The following ZNF480 variants were observed in gnomAD, a reference collection of about 807,000 sequenced individuals.
The protein encoded by ZNF480 is zinc finger protein 480.
Under a neutral mutation model 14.4 loss-of-function variants are expected in ZNF480, and 15 were observed. The ratio of observed to expected loss-of-function variants is 1.04; its 90% confidence interval spans 0.70 to 1.60. The LOEUF (loss-of-function observed/expected upper bound fraction) is 1.60. Ranked by LOEUF, ZNF480 falls within the 40% of genes most tolerant of loss-of-function variation. The probability of loss-of-function intolerance (pLI) is 0.00; values close to 1 mark genes in which losing one functional copy is unlikely to be tolerated. For synonymous variants in ZNF480, 218 were observed against 215.5 expected, an observed-to-expected ratio of 1.01 and a Z score of -0.10; for missense variants, 593 against 629.7, an observed-to-expected ratio of 0.94 and a Z score of 0.62.
Position 52,300,391 on chromosome 19 carries a change from T to A in ZNF480, c.-19-3T>A, listed in dbSNP as rs769548529. 6.2e-7 allele frequency: 1 copy of A among 1,605,844 alleles called. No individual in the cohort carries two copies. Among genetic ancestry groups the A allele is most frequent in the Admixed American group, 1.7e-5 (1 of 58,686 alleles). ...CCCTAAACAGCATATTTTTGACATT[T>A]AGGATTGACTTCTAAAGAGTCATGC... On this transcript the variant is annotated splice_polypyrimidine_tract_variant and splice_region_variant and intron_variant, in intron 1 of 4. Coordinates refer to ENST00000595962, the MANE Select transcript of ZNF480 (RefSeq NM_144684.4).
rs770314204 is a variant in ZNF480, at chr19:52,322,360, T to C, written c.1110T>C (p.Pro370=). 6.2e-7 allele frequency: 1 copy of C among 1,613,882 alleles called. No homozygotes were observed. The highest frequency in any genetic ancestry group is 1.1e-5 in the South Asian group (1 of 91,076). The change falls in exon 5 of 5, where the codon CCT becomes CCC. Residue 370 remains proline, a synonymous_variant. Transcript: ENST00000595962. ...RHQKIHTGEK[P]YKCNECGKVF... ...AGAAAATTCATACTGGAGAGAAACC[T>C]TACAAATGTAATGAATGTGGAAAGG... is the stretch of plus-strand genomic sequence containing the variant.
At chr19:52,300,285 A>C (rs2122511028) in intron 1 of ZNF480, 109 bp from the exon 2 acceptor site, 1 of 1,159,428 alleles carries the variant, frequency 8.6e-7, no homozygotes, top group East Asian at 2.5e-5. Flanking sequence ...TGCAGTGGGC[A>C]GCAGAGGACA....
chr19:52,306,919 ACT>A lies in ZNF480; in HGVS notation c.72+6438_72+6439del, dbSNP rs1374595690. 3.9e-5 allele frequency among the ~76,000 whole-genome samples: 6 copies of A among 152,016 alleles called. 1 individual carries two copies. The highest frequency in any genetic ancestry group is 2.0e-4 in the Admixed American group (3 of 15,264). Reference sequence around the variant, plus strand: ...AAAGAAAGACCTGGAGGGTGAGGCCACTCTTTTTCTTCAAAATGATGAGGGGG... The same window carrying A: ...AAAGAAAGACCTGGAGGGTGAGGCCACTTTTTCTTCAAAATGATGAGGGGG... On this transcript the variant is annotated intron_variant, in intron 2 of 4. Coordinates refer to ENST00000595962, the MANE Select transcript of ZNF480 (RefSeq NM_144684.4).
Position 52,322,996 on chromosome 19 carries a change from A to G in ZNF480, c.*138A>G. The G allele has an allele frequency of 3.1e-6, 2 of 642,678 alleles. No individual in the cohort carries two copies. The highest frequency in any genetic ancestry group is 2.9e-5 in the East Asian group (1 of 34,384). 39.8% of individuals were successfully genotyped at this position (642,678 alleles called of 1,614,324 possible). A position where few individuals can be genotyped will look rare whatever the true frequency, so the allele number is the denominator to read the frequency against. ...GTCTTCAAACACAAGTTTTTCTAAT[A>G]ACTCATTAGAGAATTTATACTGGAG... On this transcript the variant is annotated 3_prime_UTR_variant, in exon 5 of 5. Coordinates refer to ENST00000595962, the MANE Select transcript of ZNF480 (RefSeq NM_144684.4).
chr19:52,324,824 A>C lies in ZNF480; in HGVS notation c.*1966A>C, dbSNP rs1984016730. ...TTAAATATAAAACCTAAAAGTATTA[A>C]ATTCCTAGAAGAAAACCCAGGAAAT... On this transcript the variant is annotated 3_prime_UTR_variant, in exon 5 of 5. Transcript: ENST00000595962. 1 of 152,228 alleles carries C rather than the reference A, an allele frequency of 6.6e-6. No individual in the cohort carries two copies. Among genetic ancestry groups the C allele is most frequent in the African/African-American group, 2.4e-5 (1 of 41,472 alleles). The allele number at this position is 152,228 out of a possible 1,614,324, so 9.4% of individuals were successfully genotyped here.
At chr19:52,302,761 G>A (rs1982756276) in intron 2 of ZNF480, among the ~76,000 whole-genome samples, 1 of 152,202 alleles carries the variant, frequency 6.6e-6, no homozygotes, top group East Asian at 1.9e-4. Context: ...TGCACCAATT[G>A]GCAAGTTGCG....
In ZNF480 at chr19:52,325,040, T is replaced by G. The variant is rs1017569434; in HGVS notation, c.*2182T>G. On this transcript the variant is annotated 3_prime_UTR_variant, in exon 5 of 5. Transcript: ENST00000595962. Reference sequence around the variant, plus strand: ...CATCTGACAAAGATCTAATCCAGAATCTATAAAGAACTCAAACAAATCAAC... The same window carrying G: ...CATCTGACAAAGATCTAATCCAGAAGCTATAAAGAACTCAAACAAATCAAC... 2 of 152,070 alleles carry G rather than the reference T, an allele frequency of 1.3e-5. No individual in the cohort carries two copies. The highest frequency in any genetic ancestry group is 4.8e-5 in the African/African-American group (2 of 41,406). 9.4% of individuals were successfully genotyped at this position (152,070 alleles called of 1,614,324 possible). A position where few individuals can be genotyped will look rare whatever the true frequency, so the allele number is the denominator to read the frequency against.
At chr19:52,302,073 G>T in intron 2 of ZNF480, 1 of 239,620 alleles carries the variant, frequency 4.2e-6, no homozygotes, top group South Asian at 5.4e-5. Flanking sequence ...CTCAGCATCT[G>T]GCTCATGATA....
chr19:52,322,018 G>C lies in ZNF480; in HGVS notation c.768G>C (p.Glu256Asp). 6.2e-7 allele frequency: 1 copy of C among 1,614,050 alleles called. No homozygotes were observed. ...LAEHCRIHTG[E>D]KPYKCNVCGK... ...AACATTGTAGAATTCATACTGGAGAGAAACCTTACAAATGTAATGTCTGTG... is the reference window on the plus strand; with the variant it reads ...AACATTGTAGAATTCATACTGGAGACAAACCTTACAAATGTAATGTCTGTG... Residue 256 changes from glutamate (E) to aspartate (D), a missense_variant, in exon 5 of 5, where the codon GAG (glutamate) becomes GAC (aspartate). Glu to Asp is a conservative substitution (Grantham distance 45). Transcript: ENST00000595962.
chr19:52,322,800 G>T lies in ZNF480; in HGVS notation c.1550G>T (p.Gly517Val). 3.1e-6 allele frequency: 5 copies of T among 1,611,008 alleles called. No individual in the cohort carries two copies. Among genetic ancestry groups the T allele is most frequent in the Non-Finnish European group, 4.2e-6 (5 of 1,177,860 alleles). The change falls in exon 5 of 5, where the codon GGC becomes GTC. Residue 517 changes from glycine to valine, a missense_variant. Physicochemically the swap from Gly to Val is moderately radical, Grantham distance 109. Transcript: ENST00000595962. ...GEKPYKCNEC[G>V]KAFSRISYLA... ...AAACCTTACAAATGTAATGAGTGTGGCAAGGCCTTTAGTCGCATTTCATAC... is the reference window on the plus strand; with the variant it reads ...AAACCTTACAAATGTAATGAGTGTGTCAAGGCCTTTAGTCGCATTTCATAC...
In ZNF480 at chr19:52,315,925, T is replaced by A; in HGVS notation, c.291T>A (p.Asn97Lys). The A allele has an allele frequency of 6.2e-7, 1 of 1,612,304 alleles. No individual in the cohort carries two copies. The highest frequency in any genetic ancestry group is 1.7e-4 in the Middle Eastern group (1 of 6,054). Residue 97 changes from asparagine (N) to lysine (K), a missense_variant, in exon 4 of 5, where the codon AAT becomes AAA. By Grantham distance (94) the Asn-to-Lys change is moderately conservative. Transcript: ENST00000595962. ...AGAGTGAAGTGAAAATAGCAAAAAA[T>A]TCAGATGGGAGGGAGTGCATCAAAG... ...SGESEVKIAK[N>K]SDGRECIKGV... is the part of the protein sequence containing the mutation.
chr19:52,308,132 C>G (rs553326259), intron 2 of ZNF480, among the ~76,000 whole-genome samples: 4 of 151,936 alleles, frequency 2.6e-5, no homozygotes, highest in Admixed American at 2.6e-4. Flanking sequence ...GTGCGGGCCC[C>G]ATGGTGTTAG....
At chr19:52,308,700 C>T (rs1198328852) in intron 2 of ZNF480, 2 of 152,106 alleles carry the variant, frequency 1.3e-5, no homozygotes, top group African/African-American at 4.8e-5. Context: ...TCATCATTCT[C>T]AGCATGTGCC....
rs758000495 is a variant in ZNF480 at position 52,314,285 on chromosome 19, G to T, written c.199+6G>T. 21 of 1,534,138 alleles carry T rather than the reference G, an allele frequency of 1.4e-5. No individual in the cohort carries two copies. The highest frequency in any genetic ancestry group is 1.8e-5 in the Non-Finnish European group (20 of 1,134,984). The stretch of plus-strand genomic sequence containing the variant: ...CAGGAACCTGGTCTCCCTGGGTGAG[G>T]ATCATGCCCCTGCAGAAGCCGGGAT... On this transcript the variant is annotated splice_donor_region_variant and intron_variant, in intron 3 of 4. Coordinates refer to ENST00000595962, the MANE Select transcript of ZNF480 (RefSeq NM_144684.4).
In ZNF480 at chr19:52,322,357, A is replaced by G. The variant is rs1253426592; in HGVS notation, c.1107A>G (p.Lys369=). The G allele has an allele frequency of 6.2e-7, 1 of 1,613,752 alleles. No individual in the cohort carries two copies. The highest frequency in any genetic ancestry group is 8.5e-7 in the Non-Finnish European group (1 of 1,179,974). The change falls in exon 5 of 5, where the codon AAA becomes AAG. Residue 369 remains lysine, a synonymous_variant. Transcript: ENST00000595962. ...ATCAGAAAATTCATACTGGAGAGAA[A>G]CCTTACAAATGTAATGAATGTGGAA... is the stretch of plus-strand genomic sequence containing the variant. ...VRHQKIHTGE[K]PYKCNECGKV... is the part of the protein sequence containing the mutation.
At chr19:52,297,594 C>T (rs1982466907) in intron 1 of ZNF480, among the ~76,000 whole-genome samples, 1 of 152,182 alleles carries the variant, frequency 6.6e-6, no homozygotes, top group Non-Finnish European at 1.5e-5. Context: ...CACAGCGCTC[C>T]AATCTCAATC....
At chr19:52,314,439 A>T (rs1983447977) in intron 3 of ZNF480, among the ~76,000 whole-genome samples, 160 bp downstream of exon 3, 1 of 129,480 alleles carries the variant, frequency 7.7e-6, no homozygotes, top group Admixed American at 9.7e-5. Context: ...AGATCACGTC[A>T]TTGCCAGCCT....
At chr19:52,312,627 A>G (rs1983344013) in intron 2 of ZNF480, among the ~76,000 whole-genome samples, 1 of 152,098 alleles carries the variant, frequency 6.6e-6, no homozygotes, top group African/African-American at 2.4e-5. Context: ...TGCTGTTTTT[A>G]GTCCTTACAC....
chr19:52,321,429 C>G, intron 4 of ZNF480, 150 bp from the exon 5 acceptor site: 1 of 668,272 alleles, frequency 1.5e-6, no homozygotes, highest in Non-Finnish European at 2.4e-6. Flanking sequence ...TTACCCTTTT[C>G]TATTTTCAGC....
Sources: allele counts gnomAD v4.1 joint callset (sites outside exome capture counted in the v4.1 genomes callset), GRCh38; gene constraint gnomAD v4.1.1; transcripts MANE v1.5; gene names NCBI Gene and HGNC (gene_info 2026-07-23, HGNC 2026-07-21).